The following CALCR variants were observed in gnomAD, a reference collection of about 807,000 sequenced individuals.
CALCR encodes the protein calcitonin receptor.
A neutral mutation model predicts 59.5 loss-of-function variants in CALCR; 47 were observed. The ratio of observed to expected loss-of-function variants is 0.79; its 90% CI spans 0.63 to 1.01. The LOEUF (loss-of-function observed/expected upper bound fraction) is 1.01. Among genes scored for constraint, CALCR ranks in the 50% least tolerant of loss-of-function variants. The pLI is 0.00. For missense variants in CALCR, 566 were observed against 597.1 expected, an observed-to-expected ratio of 0.95 and a Z score of 0.54; for synonymous variants, 213 against 211.3, an observed-to-expected ratio of 1.01 and a Z score of -0.07.
intron 7 of CALCR, among the ~76,000 whole-genome samples, chr7:93,465,163 T>C (rs1259643624): frequency 1.3e-5 from 2 of 152,016 alleles, no homozygotes; most frequent in Non-Finnish European, 2.9e-5. Context: ...TGTTATGCTT[T>C]TCATGAAGTG....
At chr7:93,430,618 G>T (rs576489946) in intron 13 of CALCR, among the ~76,000 whole-genome samples, 1 of 152,254 alleles carries the variant, frequency 6.6e-6, no homozygotes, top group Non-Finnish European at 1.5e-5. Context: ...CATCTCCCCA[G>T]TTCATTAAGT....
intron 3 of CALCR, chr7:93,482,652 T>G: frequency 2.6e-6 from 1 of 382,808 alleles, no homozygotes; most frequent in Non-Finnish European, 5.2e-6. Context: ...ACCCTATGCT[T>G]GTATTTTCAA....
At chr7:93,552,210 A>T in intron 2 of CALCR, among the ~76,000 whole-genome samples, 1 of 152,160 alleles carries the variant, frequency 6.6e-6, no homozygotes, top group East Asian at 1.9e-4. Flanking sequence ...TACAAGGTAA[A>T]TGTATTACCT....
chr7:93,522,091 T>A (rs1393860803), intron 2 of CALCR, among the ~76,000 whole-genome samples: 1 of 152,120 alleles, frequency 6.6e-6, no homozygotes, highest in Non-Finnish European at 1.5e-5. Flanking sequence ...TTTGCATGAG[T>A]GTCTGAGCGG....
chr7:93,545,567 C>T (rs1339570333), intron 2 of CALCR, among the ~76,000 whole-genome samples: 1 of 152,102 alleles, frequency 6.6e-6, no homozygotes. Context: ...GCAGCTGATG[C>T]TAGGCTAGCC....
chr7:93,430,280 C>T (rs1038718341), intron 13 of CALCR, among the ~76,000 whole-genome samples: 1 of 152,040 alleles, frequency 6.6e-6, no homozygotes, highest in Non-Finnish European at 1.5e-5. Flanking sequence ...GTATTAAGCC[C>T]TATTAATTAG....
At chr7:93,476,005 T>G (rs1800658517) in intron 5 of CALCR, among the ~76,000 whole-genome samples, 1 of 151,798 alleles carries the variant, frequency 6.6e-6, no homozygotes, top group African/African-American at 2.4e-5. Context: ...ACTTGCAGAT[T>G]CCGAGGTCCT....
At chr7:93,557,071 C>A (rs1789626801) in intron 2 of CALCR, among the ~76,000 whole-genome samples, 1 of 151,836 alleles carries the variant, frequency 6.6e-6, no homozygotes, top group Non-Finnish European at 1.5e-5. Context: ...ACATTTTGTC[C>A]TTTTTATTTT....
intron 7 of CALCR, among the ~76,000 whole-genome samples, chr7:93,464,773 T>G (rs1047694240): frequency 2.0e-5 from 3 of 151,952 alleles, no homozygotes; most frequent in South Asian, 4.1e-4. Flanking sequence ...GAGGCCATCT[T>G]TGATACCATT....
intron 2 of CALCR, among the ~76,000 whole-genome samples, chr7:93,517,315 T>A (rs538732994): frequency 2.6e-5 from 4 of 151,076 alleles, no homozygotes; most frequent in African/African-American, 7.3e-5. Context: ...TTTTTTTTTT[T>A]AATTTGCTAG....
At chr7:93,477,706 G>A (rs1181710233) in intron 4 of CALCR, 38 bp from the exon 5 acceptor site, 2 of 1,276,056 alleles carry the variant, frequency 1.6e-6, no homozygotes, top group African/African-American at 1.5e-5. Flanking sequence ...GAAGCCTTGT[G>A]GATTTAACTA....
At chr7:93,478,325 G>C (rs985846728) in intron 4 of CALCR, among the ~76,000 whole-genome samples, 9 of 151,798 alleles carry the variant, frequency 5.9e-5, no homozygotes, top group African/African-American at 1.9e-4. Flanking sequence ...ACTAAAACTT[G>C]AACTATTTGA....
intron 2 of CALCR, among the ~76,000 whole-genome samples, chr7:93,542,889 C>T: frequency 6.6e-6 from 1 of 151,996 alleles, no homozygotes; most frequent in East Asian, 1.9e-4. Context: ...GAGTTGTCAT[C>T]TCCAATGATA....
In CALCR at chr7:93,426,149, T is replaced by C. The variant is rs577849252; in HGVS notation, c.*207A>G. 1 of 517,764 alleles carries C rather than the reference T, an allele frequency of 1.9e-6. No homozygotes were observed. Among genetic ancestry groups the C allele is most frequent in the African/African-American group, 1.9e-5 (1 of 52,382 alleles). The allele number at this position is 517,764 out of a possible 1,614,324, so 32.1% of individuals were successfully genotyped here. On this transcript the variant is annotated 3_prime_UTR_variant, in exon 14 of 14. Transcript: ENST00000426151. ...TGGATGAATGATGGAGTTCACAAGT[T>C]GCAGTGGGAGACTCCATTCCTAGAC...
chr7:93,501,488 T>C (rs1318782157), intron 2 of CALCR, among the ~76,000 whole-genome samples: 1 of 152,054 alleles, frequency 6.6e-6, no homozygotes, highest in Non-Finnish European at 1.5e-5. Context: ...TAATCAGGAA[T>C]ACCAAAGAAT....
At chr7:93,531,722 C>A (rs574223571) in intron 2 of CALCR, among the ~76,000 whole-genome samples, 3 of 152,076 alleles carry the variant, frequency 2.0e-5, no homozygotes, top group African/African-American at 7.2e-5. Context: ...CAACTGTGAA[C>A]GCTACTTGTA....
intron 2 of CALCR, among the ~76,000 whole-genome samples, chr7:93,541,798 G>A (rs1009961053): frequency 6.6e-6 from 1 of 152,180 alleles, no homozygotes. Flanking sequence ...AGTTTGGTCT[G>A]TGGCTATCCA....
intron 8 of CALCR, among the ~76,000 whole-genome samples, chr7:93,455,779 CTACTT>C (rs201588260): frequency 0.015 from 2,293 of 152,154 alleles, 50 homozygotes; most frequent in African/African-American, 0.052. Flanking sequence ...CAACTGTAAT[CTACTT>C]TAATAATCTT....
chr7:93,453,978 C>A (rs1800158988), intron 8 of CALCR, among the ~76,000 whole-genome samples: 1 of 152,046 alleles, frequency 6.6e-6, no homozygotes, highest in Admixed American at 6.6e-5. Flanking sequence ...CACATCTTGG[C>A]ATTACTGTCT....
Sources: gnomAD v4.1 joint callset for allele counts (sites outside exome capture counted in the v4.1 genomes callset) on GRCh38, gnomAD v4.1.1 for gene constraint, MANE v1.5 for transcripts, NCBI Gene and HGNC (gene_info 2026-07-23, HGNC 2026-07-21) for gene names.